PDE1A: variants seen among roughly 807,000 people sequenced by gnomAD.
PDE1A encodes the protein dual specificity calcium/calmodulin-dependent 3',5'-cyclic nucleotide phosphodiesterase 1A.
Under a neutral mutation model 61.7 loss-of-function variants are expected in PDE1A, and 35 were observed. The ratio of observed to expected loss-of-function variants is 0.57; its 90% confidence interval spans 0.43 to 0.75. The LOEUF is 0.75. Ranked by LOEUF, PDE1A falls within the 30% of genes least tolerant of loss-of-function variation. PDE1A has a pLI of 0.00. For synonymous variants in PDE1A, 232 were observed against 213.2 expected (o/e 1.09, Z -0.77); for missense variants, 597 against 630.6 (o/e 0.95, Z 0.57).
chr2:182,426,809 T>C (rs1703651646), exon 1 of PDE1A: 13 of 1,426,896 alleles, frequency 9.1e-6, no homozygotes, highest in African/African-American at 2.9e-5. Flanking sequence ...GAGCAGTGTG[T>C]CCATAGAGGC....
chr2:182,624,883 T>G, the PDE1A span, among the ~76,000 whole-genome samples: 1 of 152,130 alleles, frequency 6.6e-6, no homozygotes, highest in Non-Finnish European at 1.5e-5. Context: ...CCCAAACCTC[T>G]TTCCATACTT....
intron 13 of PDE1A, among the ~76,000 whole-genome samples, chr2:182,156,967 G>C (rs769745338): frequency 6.7e-6 from 1 of 150,042 alleles, no homozygotes; most frequent in African/African-American, 2.4e-5. Context: ...TTTTTGTTTC[G>C]TTGAATTTTT....
intron 1 of PDE1A, among the ~76,000 whole-genome samples, chr2:182,323,729 C>T (rs1239908832): frequency 6.6e-6 from 1 of 152,186 alleles, no homozygotes; most frequent in African/African-American, 2.4e-5. Flanking sequence ...CCCCCAGGAA[C>T]ACAAGGAGGA....
chr2:182,518,541 G>A (rs1430149), intron 2 of PDE1A, among the ~76,000 whole-genome samples: 117,249 of 152,118 alleles, frequency 0.77, 47,207 homozygotes, highest in East Asian at 0.99. Flanking sequence ...GACATTCGTC[G>A]GGATGGGGGA....
At chr2:182,684,134 A>T in the PDE1A span, among the ~76,000 whole-genome samples, 1 of 151,722 alleles carries the variant, frequency 6.6e-6, no homozygotes, top group African/African-American at 2.4e-5. Flanking sequence ...AAAAAAAAAA[A>T]AAAAAAGAAA....
chr2:182,628,851 C>T, the PDE1A span, among the ~76,000 whole-genome samples: 2,025 of 152,260 alleles, frequency 0.013, 29 homozygotes, highest in African/African-American at 0.045. Context: ...GTAATCATCT[C>T]CAGTCCTTGG....
the PDE1A span, among the ~76,000 whole-genome samples, chr2:182,565,197 G>T: frequency 6.6e-6 from 1 of 152,056 alleles, no homozygotes; most frequent in African/African-American, 2.4e-5. Flanking sequence ...TCTACTTTTG[G>T]TCTTTGATGA....
the PDE1A span, among the ~76,000 whole-genome samples, chr2:182,580,782 A>G: frequency 6.6e-6 from 1 of 152,148 alleles, no homozygotes; most frequent in Non-Finnish European, 1.5e-5. Context: ...CAGCATTTGT[A>G]AACATCCTCT....
chr2:182,413,062 A>T (rs1574595182), intron 1 of PDE1A, among the ~76,000 whole-genome samples: 1 of 152,224 alleles, frequency 6.6e-6, no homozygotes, highest in East Asian at 1.9e-4. Flanking sequence ...AGCAGAGTAG[A>T]CAAAGGCTTA....
intron 1 of PDE1A, among the ~76,000 whole-genome samples, chr2:182,277,410 T>C (rs753546793): frequency 2.2e-4 from 34 of 152,252 alleles, no homozygotes; most frequent in Non-Finnish European, 3.8e-4. Context: ...GCAATTCATT[T>C]GGGAATGCCA....
chr2:182,592,116 C>A, the PDE1A span, among the ~76,000 whole-genome samples: 1 of 152,172 alleles, frequency 6.6e-6, no homozygotes, highest in Non-Finnish European at 1.5e-5. Context: ...AATTTCGATG[C>A]CAGCTTGGTA....
At chr2:182,175,405 G>C (rs1172793044) in intron 13 of PDE1A, among the ~76,000 whole-genome samples, 2 of 151,356 alleles carry the variant, frequency 1.3e-5, no homozygotes. Flanking sequence ...ATCTCATTGT[G>C]GTTTTGATTT....
At chr2:182,553,245 C>G in the PDE1A span, among the ~76,000 whole-genome samples, 1 of 152,182 alleles carries the variant, frequency 6.6e-6, no homozygotes, top group Non-Finnish European at 1.5e-5. Context: ...AGCGGCCCAC[C>G]ACCATCTTGG....
intron 2 of PDE1A, among the ~76,000 whole-genome samples, chr2:182,442,383 A>G (rs1393270148): frequency 6.6e-6 from 1 of 152,068 alleles, no homozygotes; most frequent in Non-Finnish European, 1.5e-5. Flanking sequence ...AATGCAATGT[A>G]TCATCTTAGA....
the PDE1A span, among the ~76,000 whole-genome samples, chr2:182,676,638 T>C: frequency 2.6e-5 from 4 of 152,100 alleles, no homozygotes; most frequent in Non-Finnish European, 5.9e-5. Context: ...CCAATATCAT[T>C]AATGAACATT....
the PDE1A span, among the ~76,000 whole-genome samples, chr2:182,669,352 T>C: frequency 1.8e-4 from 27 of 152,242 alleles, no homozygotes; most frequent in Non-Finnish European, 3.4e-4. Context: ...ATTATTGTTT[T>C]GACAAAGTCA....
At chr2:182,689,966 CA>C in the PDE1A span, among the ~76,000 whole-genome samples, 1 of 152,122 alleles carries the variant, frequency 6.6e-6, no homozygotes, top group South Asian at 2.1e-4. Flanking sequence ...TACACCCTCC[CA>C]AGACTAAATC....
At chr2:182,540,170 C>T in the PDE1A span, among the ~76,000 whole-genome samples, 5 of 152,030 alleles carry the variant, frequency 3.3e-5, no homozygotes, top group Admixed American at 3.3e-4. Flanking sequence ...TCGAACCCAG[C>T]CTGGCCAACA....
chr2:182,368,517 C>A (rs995121020), intron 1 of PDE1A, among the ~76,000 whole-genome samples: 14 of 151,760 alleles, frequency 9.2e-5, no homozygotes, highest in Admixed American at 3.3e-4. Flanking sequence ...CCTTATACTT[C>A]TCATCACCTT....
Sources: gnomAD v4.1 joint callset for allele counts (sites outside exome capture counted in the v4.1 genomes callset) on GRCh38, gnomAD v4.1.1 for gene constraint, MANE v1.5 for transcripts, NCBI Gene and HGNC (gene_info 2026-07-23, HGNC 2026-07-21) for gene names.